Variants in BANP observed in about 807,000 individuals in gnomAD.
BANP encodes the protein protein BANP.
In BANP, 11 loss-of-function variants were observed where a neutral mutation model predicts 68.1. That is an observed-to-expected ratio of 0.16 (90% CI 0.10 to 0.27). BANP has a LOEUF of 0.27. Among genes scored for constraint, BANP ranks in the 10% least tolerant of loss-of-function variants. The pLI is 1.00. For synonymous variants in BANP, 329 were observed against 303.2 expected (o/e 1.09, Z -0.88); for missense variants, 504 against 722.7 (o/e 0.70, Z 3.47).
chr16:88,052,741 A>G (rs1039301874), intron 11 of BANP, among the ~76,000 whole-genome samples: 6 of 151,684 alleles, frequency 4.0e-5, no homozygotes, highest in African/African-American at 1.2e-4. Flanking sequence ...CCTAACCACT[A>G]CCACCACCAC....
At chr16:87,998,661 T>C (rs60412572) in intron 4 of BANP, among the ~76,000 whole-genome samples, 35,253 of 141,246 alleles carry the variant, frequency 0.25, 4,792 homozygotes, top group East Asian at 0.5. Flanking sequence ...CCCAGACACA[T>C]CTCCATGCAT....
chr16:87,998,778 A>C (rs1400173202), intron 4 of BANP, among the ~76,000 whole-genome samples: 4 of 129,814 alleles, frequency 3.1e-5, no homozygotes, highest in African/African-American at 6.0e-5. Context: ...GTCTCCATGC[A>C]CGCACGTGCG....
intron 4 of BANP, among the ~76,000 whole-genome samples, chr16:87,993,452 T>C (rs12930172): frequency 6.6e-6 from 1 of 152,222 alleles, no homozygotes; most frequent in East Asian, 1.9e-4. Context: ...TATTTTACAC[T>C]CTGGGTTAGA....
intron 11 of BANP, among the ~76,000 whole-genome samples, chr16:88,041,756 C>G (rs2080854785): frequency 6.6e-6 from 1 of 152,240 alleles, no homozygotes; most frequent in Non-Finnish European, 1.5e-5. Flanking sequence ...CAGGATGGGA[C>G]TCACAGCTGT....
rs1268902337 is a variant in BANP, at chr16:88,003,446, C to T, written c.363-849C>T. The stretch of plus-strand genomic sequence containing the variant: ...GAGTTTTATTGTCAGGTGATAATCA[C>T]GTTGTGTTTCTAGTGCTAGTTCTTT... On this transcript the variant is annotated intron_variant, in intron 4 of 13. Coordinates refer to ENST00000682872, the MANE Select transcript of BANP (RefSeq NM_001386991.1). This position sits in a 1 kb window ranked among gnomAD's most constrained non-coding sequence, Gnocchi z 6.1. The T allele has an allele frequency of 2.2e-6, 1 of 456,194 alleles. No homozygotes were observed. The highest frequency in any genetic ancestry group is 7.0e-5 in the East Asian group (1 of 14,386). The allele number at this position is 456,194 out of a possible 1,614,324, so 28.3% of individuals were successfully genotyped here. A position where few individuals can be genotyped will look rare whatever the true frequency, so the allele number is the denominator to read the frequency against.
intron 4 of BANP, among the ~76,000 whole-genome samples, chr16:87,990,864 G>A (rs956455094): frequency 6.6e-6 from 1 of 152,166 alleles, no homozygotes; most frequent in Non-Finnish European, 1.5e-5. Flanking sequence ...CCAGGTTCAC[G>A]CCATTCTCCT....
intron 4 of BANP, among the ~76,000 whole-genome samples, chr16:87,996,484 G>C (rs2067256362): frequency 1.3e-5 from 1 of 75,056 alleles, no homozygotes; most frequent in Admixed American, 1.5e-4. Context: ...TCTGAGTGTT[G>C]CTGGGCCCTC....
At chr16:87,993,041 T>A (rs1184006593) in intron 4 of BANP, among the ~76,000 whole-genome samples, 1 of 152,136 alleles carries the variant, frequency 6.6e-6, no homozygotes, top group African/African-American at 2.4e-5. Flanking sequence ...ATTGGGTCGG[T>A]TATTTTGTAG....
At chr16:87,965,373 A>G (rs922701198) in intron 1 of BANP, among the ~76,000 whole-genome samples, 1 of 151,734 alleles carries the variant, frequency 6.6e-6, no homozygotes, top group African/African-American at 2.4e-5. Context: ...ATTTTATCTG[A>G]AAGGGAACAG....
At chr16:87,969,263 A>G (rs2060681027) in intron 1 of BANP, among the ~76,000 whole-genome samples, 1 of 151,714 alleles carries the variant, frequency 6.6e-6, no homozygotes. Flanking sequence ...TGTTGTTTGT[A>G]TGTAGGTCTT....
At chr16:88,034,532 T>A (rs1449946016) in intron 9 of BANP, among the ~76,000 whole-genome samples, 2 of 152,312 alleles carry the variant, frequency 1.3e-5, no homozygotes, top group Non-Finnish European at 1.5e-5. Context: ...CATATGAGTG[T>A]TTCTTTGATT....
intron 4 of BANP, among the ~76,000 whole-genome samples, chr16:87,998,884 G>T (rs868636457): frequency 6.6e-4 from 62 of 94,328 alleles, no homozygotes; most frequent in South Asian, 1.7e-3. Context: ...ATGCACGCAC[G>T]TGCGCGGCTG....
intron 12 of BANP, among the ~76,000 whole-genome samples, chr16:88,068,289 T>G (rs529612851): frequency 6.6e-6 from 1 of 152,348 alleles, no homozygotes; most frequent in African/African-American, 2.4e-5. Flanking sequence ...CTGGTTGGCG[T>G]GAACCTTGGG....
intron 4 of BANP, among the ~76,000 whole-genome samples, chr16:87,993,139 C>G (rs115816144): frequency 0.021 from 3,249 of 152,332 alleles, 113 homozygotes; most frequent in African/African-American, 0.075. Context: ...TCCTTCTCAT[C>G]GCATTCTGTC....
At position 88,027,606 on chromosome 16, in the gene BANP, G is replaced by A. The variant is rs2077245260; in HGVS notation, c.1019G>A (p.Ser340Asn). The change falls in exon 8 of 14, where the codon AGC (serine) becomes AAC (asparagine). Residue 340 changes from serine to asparagine, a missense_variant. Ser to Asn is a conservative substitution (Grantham distance 46). This residue lies in a region of BANP where 43 missense variants were observed against 197.7 expected (regional missense o/e 0.22). Coordinates refer to ENST00000682872, the MANE Select transcript of BANP (RefSeq NM_001386991.1). ...CGGGGCCAGAGCCTGGCGGTCAAGAGCTTCTCGCGGAGAACGCCCAACTCG... is the reference window on the plus strand; with the variant it reads ...CGGGGCCAGAGCCTGGCGGTCAAGAACTTCTCGCGGAGAACGCCCAACTCG... ...KQRGQSLAVKSFSRRTPNSSS... is the reference protein window; with the variant it reads ...KQRGQSLAVKNFSRRTPNSSS... The A allele has an allele frequency of 6.2e-7, 1 of 1,613,786 alleles. No homozygotes were observed. The highest frequency in any genetic ancestry group is 8.5e-7 in the Non-Finnish European group (1 of 1,179,912).
At chr16:87,953,256 G>A (rs2057344769) in intron 1 of BANP, among the ~76,000 whole-genome samples, 1 of 152,070 alleles carries the variant, frequency 6.6e-6, no homozygotes, top group South Asian at 2.1e-4. Context: ...GAACGTCAAT[G>A]AAAGACTTAC....
At chr16:88,028,615 C>CT (rs2077471045) in intron 8 of BANP, among the ~76,000 whole-genome samples, 1 of 152,206 alleles carries the variant, frequency 6.6e-6, no homozygotes. Flanking sequence ...TATTCTAGGC[C>CT]TTTCTACTAC....
intron 6 of BANP, among the ~76,000 whole-genome samples, chr16:88,010,865 C>T (rs1284302325): frequency 1.3e-5 from 2 of 152,182 alleles, no homozygotes; most frequent in Admixed American, 6.5e-5. Context: ...TGTGCCGATT[C>T]ACACACCTCG....
Position 88,057,008 on chromosome 16 carries a change from A to G in BANP, c.1312-8259A>G, listed in dbSNP as rs935411320. On this transcript the variant is annotated intron_variant, in intron 11 of 13. Coordinates refer to ENST00000682872, the MANE Select transcript of BANP (RefSeq NM_001386991.1). The surrounding 1 kb of genome is among the most constrained non-coding windows in gnomAD (Gnocchi z 4.6). ...TGATTTAAAACTCTGTAACTCAAAA[A>G]GCAGAAAAAGTGTGATTTCTGAATA... Among the ~76,000 whole-genome samples the G allele has an allele frequency of 6.6e-6, 1 of 152,256 alleles. No homozygotes were observed. Among genetic ancestry groups the G allele is most frequent in the Non-Finnish European group, 1.5e-5 (1 of 68,052 alleles).
Sources: allele counts gnomAD v4.1 joint callset (sites outside exome capture counted in the v4.1 genomes callset), GRCh38; gene constraint gnomAD v4.1.1; regional missense constraint gnomAD v4.1.1; non-coding constraint Gnocchi (gnomAD v3.1); transcripts MANE v1.5; gene names NCBI Gene and HGNC (gene_info 2026-07-23, HGNC 2026-07-21).